INTS4: variants seen among roughly 807,000 people sequenced by gnomAD.
The protein encoded by INTS4 is integrator complex subunit 4, also known as MSTP093.
A neutral mutation model predicts 119.5 loss-of-function variants in INTS4; 70 were observed. The observed-to-expected ratio is 0.59, with a 90% CI of 0.48 to 0.71. The LOEUF (loss-of-function observed/expected upper bound fraction) is 0.71. Among genes scored for constraint, INTS4 ranks in the 30% least tolerant of loss-of-function variants. The probability of loss-of-function intolerance (pLI) is 0.00; values close to 1 mark genes in which losing one functional copy is unlikely to be tolerated. For synonymous variants in INTS4, 316 were observed against 419.6 expected (o/e 0.75, Z 3.02); for missense variants, 867 against 1,173.2 (o/e 0.74, Z 3.81).
chr11:77,991,492 T>A (rs1856685867), intron 1 of INTS4, among the ~76,000 whole-genome samples, 193 bp from the exon 2 acceptor site: 1 of 152,158 alleles, frequency 6.6e-6, no homozygotes, highest in Non-Finnish European at 1.5e-5. Flanking sequence ...TACCAGTTCC[T>A]ATGACTTTAG....
chr11:77,980,515 G>C (rs1267758357), intron 3 of INTS4, among the ~76,000 whole-genome samples: 1 of 152,122 alleles, frequency 6.6e-6, no homozygotes, highest in East Asian at 1.9e-4. Flanking sequence ...AAGCAGCTGG[G>C]ATAAAGGTGT....
intron 21 of INTS4, chr11:77,884,676 G>A (rs1951923547): frequency 4.6e-6 from 1 of 218,832 alleles, no homozygotes; most frequent in Non-Finnish European, 1.0e-5. Context: ...AACTGCGGAA[G>A]GCATGTCTCA....
intron 4 of INTS4, among the ~76,000 whole-genome samples, chr11:77,973,330 C>G (rs1297268250): frequency 6.6e-6 from 1 of 152,162 alleles, no homozygotes; most frequent in Non-Finnish European, 1.5e-5. Flanking sequence ...TTTCTACATA[C>G]AAGGTTATGT....
At chr11:77,979,901 C>G (rs1282829641) in intron 3 of INTS4, among the ~76,000 whole-genome samples, 3 of 150,780 alleles carry the variant, frequency 2.0e-5, no homozygotes, top group Admixed American at 2.0e-4. Context: ...TCGCTTGAAC[C>G]CGGGAGGCGG....
intron 8 of INTS4, among the ~76,000 whole-genome samples, chr11:77,954,475 G>A (rs1016735574): frequency 2.6e-5 from 4 of 152,018 alleles, no homozygotes; most frequent in Admixed American, 1.3e-4. Context: ...ATCCTGCAGG[G>A]TTACTGTAAA....
At chr11:77,971,589 G>A (rs866659739) in intron 4 of INTS4, among the ~76,000 whole-genome samples, 54 of 152,180 alleles carry the variant, frequency 3.5e-4, no homozygotes, top group African/African-American at 1.2e-3. Flanking sequence ...GCAGTGAGCC[G>A]AGGTCAAGCC....
At chr11:77,877,371 A>G (rs1951627842), downstream of INTS4, among the ~76,000 whole-genome samples, 1 of 152,262 alleles carries the variant, frequency 6.6e-6, no homozygotes, top group Admixed American at 6.5e-5. Context: ...TAATTGTATT[A>G]TCTTGCTATT....
intron 19 of INTS4, among the ~76,000 whole-genome samples, chr11:77,893,622 G>A (rs1409613589): frequency 6.6e-6 from 1 of 152,080 alleles, no homozygotes; most frequent in Non-Finnish European, 1.5e-5. Context: ...AGACACGGCG[G>A]TGGCTCACGC....
chr11:77,878,461 A>T (rs2136342230), downstream of INTS4, among the ~76,000 whole-genome samples: 1 of 152,324 alleles, frequency 6.6e-6, no homozygotes, highest in South Asian at 2.1e-4. Context: ...GAGGCTTCTT[A>T]GCAAGGTTAA....
intron 2 of INTS4, among the ~76,000 whole-genome samples, chr11:77,985,224 C>G (rs1856412090): frequency 6.6e-6 from 1 of 152,170 alleles, no homozygotes; most frequent in African/African-American, 2.4e-5. Flanking sequence ...CTCCATACTT[C>G]CCCTCAGAGT....
chr11:77,908,459 G>A (rs1953015293), intron 15 of INTS4, among the ~76,000 whole-genome samples: 1 of 151,788 alleles, frequency 6.6e-6, no homozygotes, highest in Non-Finnish European at 1.5e-5. Flanking sequence ...CTCCTGACTA[G>A]CTGGGATTGC....
chr11:77,990,829 G>A (rs976317375), intron 2 of INTS4, among the ~76,000 whole-genome samples: 11 of 152,114 alleles, frequency 7.2e-5, no homozygotes. Flanking sequence ...CCTCTTTTGT[G>A]CTTCCACTGT....
intron 19 of INTS4, among the ~76,000 whole-genome samples, chr11:77,893,764 G>A (rs1161270995): frequency 1.3e-5 from 2 of 152,010 alleles, no homozygotes; most frequent in Non-Finnish European, 2.9e-5. Context: ...GTGGTGGCAG[G>A]CACCTGTAGT....
intron 21 of INTS4, among the ~76,000 whole-genome samples, chr11:77,886,513 C>G (rs1250499882): frequency 6.6e-6 from 1 of 152,176 alleles, no homozygotes. Flanking sequence ...CAATGAAGCA[C>G]GGGTAAACGG....
At chr11:77,907,079 T>G (rs948304993) in intron 16 of INTS4, among the ~76,000 whole-genome samples, 27 of 152,130 alleles carry the variant, frequency 1.8e-4, no homozygotes, top group East Asian at 1.5e-3. Flanking sequence ...CAGTGAGTTT[T>G]TTTGTTTGTT....
chr11:77,918,808 A>AAT lies in INTS4; in HGVS notation c.1922+12_1922+13insAT. ...AGCACTAACTCTGTCAGATGAAGGG[A>AAT]TGATTACCCTACCTGATGGTGAATT... On this transcript the variant is annotated intron_variant, in intron 15 of 22. Transcript: ENST00000534064. The AAT allele has an allele frequency of 6.2e-7, 1 of 1,612,172 alleles. No homozygotes were observed. The highest frequency in any genetic ancestry group is 1.3e-5 in the African/African-American group (1 of 75,000).
At chr11:77,986,197 G>C (rs977283311) in intron 2 of INTS4, among the ~76,000 whole-genome samples, 7 of 152,154 alleles carry the variant, frequency 4.6e-5, no homozygotes, top group African/African-American at 1.7e-4. Flanking sequence ...TGTTTTTTAA[G>C]AGTCTTCGCC....
intron 9 of INTS4, among the ~76,000 whole-genome samples, chr11:77,940,628 G>T (rs1180537173): frequency 2.0e-5 from 3 of 151,980 alleles, no homozygotes; most frequent in Non-Finnish European, 4.4e-5. Flanking sequence ...GGGTTTTTTG[G>T]TTGTTGTTTT....
intron 7 of INTS4, among the ~76,000 whole-genome samples, chr11:77,957,603 A>T (rs1371095224): frequency 6.6e-6 from 1 of 151,778 alleles, no homozygotes; most frequent in Admixed American, 6.6e-5. Flanking sequence ...AAATTATCAA[A>T]AACTAGCTTC....
Sources: gnomAD v4.1 joint callset for allele counts (sites outside exome capture counted in the v4.1 genomes callset) on GRCh38, gnomAD v4.1.1 for gene constraint, MANE v1.5 for transcripts, NCBI Gene and HGNC (gene_info 2026-07-23, HGNC 2026-07-21) for gene names.